TDRD7: variants seen among roughly 807,000 people sequenced by gnomAD.
TDRD7 encodes tudor domain-containing protein 7.
Under a neutral mutation model 109.8 loss-of-function variants are expected in TDRD7, and 47 were observed. That is an observed-to-expected ratio of 0.43 (90% CI 0.34 to 0.55). The LOEUF is 0.55. Ranked by LOEUF, TDRD7 falls within the 20% of genes least tolerant of loss-of-function variation. TDRD7 has a pLI of 0.03. For missense variants in TDRD7, 1,164 were observed against 1,319.2 expected (o/e 0.88, Z 1.82); for synonymous variants, 424 against 457.3 (o/e 0.93, Z 0.93).
chr9:97,431,480 G>C lies in TDRD7; in HGVS notation c.349+406G>C, dbSNP rs571443371. ...AGAAATATATGAATTATGTAGTACA[G>C]AGAAATGTTATAGACAACTCAGCCT... On this transcript the variant is annotated intron_variant, in intron 3 of 16. Coordinates refer to ENST00000355295, the MANE Select transcript of TDRD7 (RefSeq NM_014290.3). 9.9e-5 allele frequency among the ~76,000 whole-genome samples: 15 copies of C among 152,274 alleles called. 1 individual carries two copies. Among genetic ancestry groups the C allele is most frequent in the African/African-American group, 3.6e-4 (15 of 41,554 alleles).
chr9:97,448,705 A>G (rs1587871969), intron 6 of TDRD7, among the ~76,000 whole-genome samples: 1 of 152,178 alleles, frequency 6.6e-6, no homozygotes, highest in African/African-American at 2.4e-5. Context: ...CTCTAGGTAA[A>G]TGTGATTTTG....
At chr9:97,426,875 G>GTA (rs1261910602) in intron 1 of TDRD7, among the ~76,000 whole-genome samples, 1 of 152,192 alleles carries the variant, frequency 6.6e-6, no homozygotes, top group Non-Finnish European at 1.5e-5. Flanking sequence ...TGATAGAATT[G>GTA]TATGTCATTC....
chr9:97,415,328 T>G (rs763230304), intron 1 of TDRD7, among the ~76,000 whole-genome samples: 7 of 152,068 alleles, frequency 4.6e-5, no homozygotes, highest in Non-Finnish European at 1.0e-4. Flanking sequence ...CACCAGTAGT[T>G]AGAGGAAGCA....
At chr9:97,415,897 C>A (rs1037166450) in intron 1 of TDRD7, among the ~76,000 whole-genome samples, 5 of 151,614 alleles carry the variant, frequency 3.3e-5, no homozygotes, top group African/African-American at 4.8e-5. Flanking sequence ...CCGAAAGTTT[C>A]AAAAAAAAGT....
intron 11 of TDRD7, among the ~76,000 whole-genome samples, chr9:97,474,550 C>T (rs1828979549): frequency 6.6e-6 from 1 of 152,042 alleles, no homozygotes; most frequent in Non-Finnish European, 1.5e-5. Flanking sequence ...AAATATGTGC[C>T]GAATCAGCTT....
At chr9:97,448,959 C>T (rs1254383033) in intron 6 of TDRD7, among the ~76,000 whole-genome samples, 1 of 152,098 alleles carries the variant, frequency 6.6e-6, no homozygotes, top group Non-Finnish European at 1.5e-5. Context: ...AGCAGGTAAG[C>T]CTTCATAGAC....
rs981950649 is a variant in TDRD7, at chr9:97,439,268, A to C, written c.587A>C (p.Gln196Pro). The C allele has an allele frequency of 2.5e-6, 4 of 1,602,590 alleles. No homozygotes were observed. The highest frequency in any genetic ancestry group is 3.4e-6 in the Non-Finnish European group (4 of 1,179,036). ...NNRFSPKASL[Q>P]PPLQMHLSRT... ...AGGTTTAGCCCAAAGGCGTCCCTTC[A>C]ACCACCTTTGCAGATGCATCTCTCA... The change falls in exon 5 of 17, where the codon CAA becomes CCA. Residue 196 changes from glutamine to proline, a missense_variant. Coordinates refer to ENST00000355295, the MANE Select transcript of TDRD7 (RefSeq NM_014290.3).
At chr9:97,427,375 T>G (rs568666278) in intron 1 of TDRD7, among the ~76,000 whole-genome samples, 76 of 152,326 alleles carry the variant, frequency 5.0e-4, no homozygotes, top group Non-Finnish European at 9.0e-4. Context: ...TCCCTTTTTC[T>G]TAGCCTTTTA....
chr9:97,459,558 C>T (rs1455296069), intron 6 of TDRD7, among the ~76,000 whole-genome samples: 4 of 152,128 alleles, frequency 2.6e-5, no homozygotes, highest in African/African-American at 9.7e-5. Context: ...TCAGAAATGG[C>T]ATGCAAATGA....
chr9:97,484,492 A>C (rs35625242), intron 15 of TDRD7, among the ~76,000 whole-genome samples: 59,269 of 149,504 alleles, frequency 0.4, 12,054 homozygotes, highest in East Asian at 0.49. Flanking sequence ...ACACACACAC[A>C]CCCCAAAACT....
intron 6 of TDRD7, among the ~76,000 whole-genome samples, chr9:97,455,005 C>A (rs1289536228): frequency 1.3e-5 from 2 of 152,044 alleles, no homozygotes; most frequent in East Asian, 3.9e-4. Flanking sequence ...TCACCACTGA[C>A]CCCACAGAAA....
chr9:97,447,046 A>T (rs532470827), intron 6 of TDRD7, among the ~76,000 whole-genome samples: 1 of 152,328 alleles, frequency 6.6e-6, no homozygotes, highest in East Asian at 1.9e-4. Flanking sequence ...TTCACCAGTG[A>T]AAAGAAATAT....
chr9:97,425,673 CT>C (rs1478985897), intron 1 of TDRD7, among the ~76,000 whole-genome samples: 1 of 152,066 alleles, frequency 6.6e-6, no homozygotes, highest in African/African-American at 2.4e-5. Context: ...TAGTATAGGG[CT>C]TTTGTAGGTT....
chr9:97,438,342 T>C (rs1159888698), intron 4 of TDRD7, among the ~76,000 whole-genome samples: 1 of 152,230 alleles, frequency 6.6e-6, no homozygotes. Flanking sequence ...ATCTAATTTT[T>C]AGACTGTTCC....
rs59218055 is a variant in TDRD7 at position 97,421,698 on chromosome 9, TTGTGTGTGTG to T, written c.-6-6725_-6-6716del. Among the ~76,000 whole-genome samples, 1,252 of 142,948 alleles carry T rather than the reference TTGTGTGTGTG, an allele frequency of 8.8e-3. 2 individuals carry two copies. Among genetic ancestry groups the T allele is most frequent in the South Asian group, 0.015 (63 of 4,264 alleles). 93.8% of individuals were successfully genotyped at this position (142,948 alleles called of 152,430 possible). A position where few individuals can be genotyped will look rare whatever the true frequency, so the allele number is the denominator to read the frequency against. On this transcript the variant is annotated intron_variant, in intron 1 of 16. Coordinates refer to ENST00000355295, the MANE Select transcript of TDRD7 (RefSeq NM_014290.3). ...AGGCACGTGCGACTATGCCCAGCTTTTGTGTGTGTGTGTGTGTGTGTGTGTGTGTGTGTGT... is the reference window on the plus strand; with the variant it reads ...AGGCACGTGCGACTATGCCCAGCTTTTGTGTGTGTGTGTGTGTGTGTGTGT...
chr9:97,453,139 G>A (rs7023530), intron 6 of TDRD7, among the ~76,000 whole-genome samples: 69,277 of 152,022 alleles, frequency 0.46, 15,830 homozygotes, highest in Admixed American at 0.52. Flanking sequence ...GATAAGATGG[G>A]TTATCGTCCA....
intron 1 of TDRD7, among the ~76,000 whole-genome samples, chr9:97,418,785 A>G (rs931279863): frequency 1.3e-5 from 2 of 152,198 alleles, no homozygotes; most frequent in African/African-American, 4.8e-5. Context: ...TTTTAGTAAC[A>G]GGACACCCAT....
rs772250609 is a variant in TDRD7 at position 97,439,263 on chromosome 9, C to G, written c.582C>G (p.Ser194=). 6.2e-7 allele frequency: 1 copy of G among 1,601,416 alleles called. No individual in the cohort carries two copies. Among genetic ancestry groups the G allele is most frequent in the Non-Finnish European group, 8.5e-7 (1 of 1,178,662 alleles). The change falls in exon 5 of 17, where the codon TCC becomes TCG. Residue 194 remains serine, a synonymous_variant. Coordinates refer to ENST00000355295, the MANE Select transcript of TDRD7 (RefSeq NM_014290.3). The part of the protein sequence containing the change: ...STNNRFSPKA[S]LQPPLQMHLS... ...ATCTTAGGTTTAGCCCAAAGGCGTC[C>G]CTTCAACCACCTTTGCAGATGCATC...
chr9:97,462,482 A>G (rs1587880393), intron 7 of TDRD7, among the ~76,000 whole-genome samples: 1 of 152,066 alleles, frequency 6.6e-6, no homozygotes, highest in Non-Finnish European at 1.5e-5. Flanking sequence ...GCAAACCTCC[A>G]CCAGACTGAA....
Sources: gnomAD v4.1 joint callset for allele counts (sites outside exome capture counted in the v4.1 genomes callset) on GRCh38, gnomAD v4.1.1 for gene constraint, MANE v1.5 for transcripts, NCBI Gene and HGNC (gene_info 2026-07-23, HGNC 2026-07-21) for gene names.